PALM: variants seen among roughly 807,000 people sequenced by gnomAD.
The protein encoded by PALM is paralemmin, also known as paralemmin-1.
PALM carries 18 observed loss-of-function variants against 30.7 expected under a neutral mutation model. The observed-to-expected ratio is 0.59, with a 90% CI of 0.41 to 0.87. The LOEUF is 0.87. Ranked by LOEUF, PALM falls within the 40% of genes least tolerant of loss-of-function variation. The pLI, the probability that PALM is intolerant of heterozygous loss-of-function variation, is 0.00. For missense variants in PALM, 529 were observed against 555.4 expected (o/e 0.95, Z 0.48); for synonymous variants, 286 against 242.8 (o/e 1.18, Z -1.66).
chr19:727,148 C>G (rs918067516), intron 3 of PALM, 60 bp downstream of exon 3: 12 of 1,143,418 alleles, frequency 1.0e-5, no homozygotes, highest in East Asian at 5.1e-5. Flanking sequence ...GCGGAGGCCC[C>G]GGACTCCTGC....
Position 746,695 on chromosome 19 carries a change from G to A in PALM, c.1045G>A (p.Glu349Lys), listed in dbSNP as rs529351196. ...TGCACCACCCAACGGCAGTGCTGCC[G>A]AGCCTCCCACGGAGGCCGCCTCCAG... ...EPAPPNGSAA[E>K]PPTEAASREE... The change falls in exon 9 of 9, where the codon GAG (glutamate) becomes AAG (lysine). Residue 349 changes from glutamate to lysine, a missense_variant. Coordinates refer to ENST00000338448, the MANE Select transcript of PALM (RefSeq NM_002579.3). This position sits in a 1 kb window ranked among gnomAD's most constrained non-coding sequence, Gnocchi z 7.1. The A allele has an allele frequency of 1.1e-5, 17 of 1,609,646 alleles. No homozygotes were observed. The highest frequency in any genetic ancestry group is 4.5e-5 in the East Asian group (2 of 44,756).
intron 4 of PALM, among the ~76,000 whole-genome samples, chr19:728,177 G>C (rs560047351): frequency 4.6e-5 from 7 of 152,218 alleles, no homozygotes; most frequent in African/African-American, 1.7e-4. Context: ...AAGCTCGGGC[G>C]GGGGCAGGAA....
At chr19:711,725 T>C (rs1220510341) in intron 1 of PALM, among the ~76,000 whole-genome samples, 2 of 152,178 alleles carry the variant, frequency 1.3e-5, no homozygotes, top group Non-Finnish European at 2.9e-5. Context: ...AACAAGGCGA[T>C]TTGATTTACA....
chr19:717,237 A>G (rs149050335), intron 1 of PALM, among the ~76,000 whole-genome samples: 50 of 151,990 alleles, frequency 3.3e-4, no homozygotes, highest in African/African-American at 1.1e-3. Flanking sequence ...AGAGTTGTGT[A>G]TCTTTCACCA....
At chr19:711,547 T>A (rs538952327) in intron 1 of PALM, among the ~76,000 whole-genome samples, 1 of 152,324 alleles carries the variant, frequency 6.6e-6, no homozygotes, top group South Asian at 2.1e-4. Context: ...CCCTTTTTAA[T>A]GAGAGGCAGA....
chr19:720,212 C>T (rs1329634031), intron 1 of PALM, among the ~76,000 whole-genome samples: 1 of 151,966 alleles, frequency 6.6e-6, no homozygotes, highest in African/African-American at 2.4e-5. Context: ...GCCCCACCCC[C>T]GCGCGCCGGG....
At position 746,619 on chromosome 19, in the gene PALM, C is replaced by T. The variant is rs771914519; in HGVS notation, c.969C>T (p.Thr323=). 5 of 1,613,116 alleles carry T rather than the reference C, an allele frequency of 3.1e-6. No homozygotes were observed. The highest frequency in any genetic ancestry group is 3.4e-6 in the Non-Finnish European group (4 of 1,179,904). The part of the protein sequence containing the change: ...ETKKVLGLQD[T]ITAELVVIED... The stretch of plus-strand genomic sequence containing the variant: ...AGAAGGTGCTGGGCCTTCAAGATAC[C>T]ATCACGGCGGAGCTGGTGGTCATCG... The change falls in exon 9 of 9, where the codon ACC becomes ACT. Residue 323 remains threonine (T), a synonymous_variant. Coordinates refer to ENST00000338448, the MANE Select transcript of PALM (RefSeq NM_002579.3). The surrounding 1 kb of genome is among the most constrained non-coding windows in gnomAD (Gnocchi z 7.1).
chr19:746,377 A>T lies in PALM; in HGVS notation c.727A>T (p.Thr243Ser). ...ACTCATCCACAAAGCGGACGAGGTC[A>T]CGCTGAGCGAGGCAGGGTCCACGGC... ...DELIHKADEV[T>S]LSEAGSTAGA... is the part of the protein sequence containing the mutation. Residue 243 changes from threonine to serine, a missense_variant, in exon 9 of 9, where the codon ACG becomes TCG. By Grantham distance (58) the Thr-to-Ser change is moderately conservative. Transcript: ENST00000338448. This position sits in a 1 kb window ranked among gnomAD's most constrained non-coding sequence, Gnocchi z 7.1. The T allele has an allele frequency of 6.2e-7, 1 of 1,613,294 alleles. No individual in the cohort carries two copies. The highest frequency in any genetic ancestry group is 8.5e-7 in the Non-Finnish European group (1 of 1,179,800).
chr19:729,373 C>T (rs1228475239), intron 4 of PALM, among the ~76,000 whole-genome samples: 2 of 150,610 alleles, frequency 1.3e-5, no homozygotes, highest in East Asian at 3.9e-4. Flanking sequence ...GGGTTTGGGG[C>T]CTTGGAATGA....
intron 8 of PALM, among the ~76,000 whole-genome samples, chr19:740,897 G>A (rs1321970885): frequency 6.6e-6 from 1 of 151,700 alleles, no homozygotes. Flanking sequence ...TTGGGAGGCC[G>A]AGGGAGGAGG....
intron 3 of PALM, 74 bp downstream of exon 3, chr19:727,162 A>C: frequency 1.1e-6 from 1 of 921,024 alleles, no homozygotes; most frequent in South Asian, 1.5e-5. Flanking sequence ...CTCCTGCCCA[A>C]CCCTGACCCT....
At chr19:734,117 C>T (rs1041869493) in intron 5 of PALM, 56 bp from the exon 6 acceptor site, 3 of 1,590,986 alleles carry the variant, frequency 1.9e-6, no homozygotes. Flanking sequence ...CCATGGCTCC[C>T]CTTCCTCTTC....
chr19:711,315 GAT>G (rs1425814241), intron 1 of PALM: 3 of 451,794 alleles, frequency 6.6e-6, no homozygotes, highest in Non-Finnish European at 8.8e-6. Flanking sequence ...GTAAAATAAA[GAT>G]ATTTTGGCCT....
intron 1 of PALM, among the ~76,000 whole-genome samples, chr19:720,046 C>A (rs995676985): frequency 2.6e-5 from 4 of 152,102 alleles, no homozygotes; most frequent in African/African-American, 7.2e-5. Context: ...CGGGCGCCCC[C>A]CGGACGCCCA....
intron 8 of PALM, among the ~76,000 whole-genome samples, chr19:741,519 CGG>C (rs2033194997): frequency 9.7e-4 from 1 of 1,026 alleles, no homozygotes; most frequent in South Asian, 0.028. Context: ...TGAGGGGAGA[CGG>C]GGTGAGGGGA....
At chr19:724,438 G>C (rs1378385549) in intron 1 of PALM, among the ~76,000 whole-genome samples, 1 of 150,550 alleles carries the variant, frequency 6.6e-6, no homozygotes, top group East Asian at 2.0e-4. Context: ...CTCCTGTCTC[G>C]GCCTCCAAGT....
chr19:710,346 T>C (rs1174704303), intron 1 of PALM, among the ~76,000 whole-genome samples: 2 of 152,246 alleles, frequency 1.3e-5, no homozygotes, highest in Middle Eastern at 6.8e-3. Context: ...CCTCTCCCCG[T>C]CACCCCGCCC....
At position 746,628 on chromosome 19, in the gene PALM, G is replaced by A. The variant is rs151264112; in HGVS notation, c.978G>A (p.Ala326=). 83 of 1,612,982 alleles carry A rather than the reference G, an allele frequency of 5.1e-5. No homozygotes were observed. Among genetic ancestry groups the A allele is most frequent in the East Asian group, 2.5e-4 (11 of 44,852 alleles). ...TGGGCCTTCAAGATACCATCACGGC[G>A]GAGCTGGTGGTCATCGAAGACGCGG... ...KVLGLQDTIT[A]ELVVIEDAAE... is the part of the protein sequence containing the mutation. The change falls in exon 9 of 9, where the codon GCG becomes GCA. Residue 326 remains alanine, a synonymous_variant. Coordinates refer to ENST00000338448, the MANE Select transcript of PALM (RefSeq NM_002579.3). The surrounding 1 kb of genome is among the most constrained non-coding windows in gnomAD (Gnocchi z 7.1).
chr19:735,288 G>A (rs1207149757), intron 6 of PALM, among the ~76,000 whole-genome samples: 2 of 139,912 alleles, frequency 1.4e-5, no homozygotes, highest in East Asian at 2.2e-4. Flanking sequence ...TGTGTGTCTG[G>A]GGGCCCAGGT....
Sources: gnomAD v4.1 joint callset for allele counts (sites outside exome capture counted in the v4.1 genomes callset) on GRCh38, gnomAD v4.1.1 for gene constraint, Gnocchi (gnomAD v3.1) non-coding constraint, MANE v1.5 for transcripts, NCBI Gene and HGNC (gene_info 2026-07-23, HGNC 2026-07-21) for gene names.